Variants in NUP153 observed in about 807,000 individuals in gnomAD.
The protein encoded by NUP153 is nuclear pore complex protein Nup153.
Under a neutral mutation model 134.6 loss-of-function variants are expected in NUP153, and 27 were observed. That is an observed-to-expected ratio of 0.20 (90% CI 0.15 to 0.28). NUP153 has a LOEUF of 0.28. Ranked by LOEUF, NUP153 falls within the 10% of genes least tolerant of loss-of-function variation. The pLI is 1.00. For synonymous variants in NUP153, 640 were observed against 623.5 expected, an observed-to-expected ratio of 1.03 and a Z score of -0.40; for missense variants, 1,821 against 1,731.3, an observed-to-expected ratio of 1.05 and a Z score of -0.92.
chr6:17,637,054 A>G, intron 16 of NUP153, 99 bp downstream of exon 16: 1 of 1,184,060 alleles, frequency 8.4e-7, no homozygotes, highest in Non-Finnish European at 1.2e-6. Flanking sequence ...TGTATGAGAA[A>G]TGCTCATCCT....
chr6:17,649,981 G>A (rs912535691), intron 11 of NUP153, among the ~76,000 whole-genome samples: 4 of 152,120 alleles, frequency 2.6e-5, no homozygotes, highest in African/African-American at 9.7e-5. Flanking sequence ...CAGTACTGAG[G>A]AGTCTGGAGA....
In NUP153 at chr6:17,646,293, C is replaced by A. The variant is rs4370366; in HGVS notation, c.1633-139G>T. 3,623 of 447,864 alleles carry A rather than the reference C, an allele frequency of 8.1e-3. 125 individuals carry two copies. Among genetic ancestry groups the A allele is most frequent in the African/African-American group, 0.067 (3,257 of 48,460 alleles). 27.7% of individuals were successfully genotyped at this position (447,864 alleles called of 1,614,324 possible). ...CGCAATCCTGGCTCACTGCAACCTC[C>A]GCCTCCCGGGTTCACGCCATTCTCC... On this transcript the variant is annotated intron_variant, in intron 13 of 21. Transcript: ENST00000262077.
intron 1 of NUP153, among the ~76,000 whole-genome samples, chr6:17,689,778 G>A (rs967021583): frequency 1.3e-5 from 2 of 151,928 alleles, no homozygotes; most frequent in Admixed American, 6.6e-5. Context: ...GCCCACCTCT[G>A]CCTCCCAAAG....
In NUP153 at chr6:17,638,467, T is replaced by C. The variant is rs928486141; in HGVS notation, c.1847-697A>G. 2.6e-5 allele frequency among the ~76,000 whole-genome samples: 4 copies of C among 152,218 alleles called. No individual in the cohort carries two copies. The highest frequency in any genetic ancestry group is 9.6e-5 in the African/African-American group (4 of 41,454). Reference sequence around the variant, plus strand: ...AGATGTAGAAGGTTATTAGAGGTTTTCTAGTTCCACAAAATAATCCAGCCT... The same window carrying C: ...AGATGTAGAAGGTTATTAGAGGTTTCCTAGTTCCACAAAATAATCCAGCCT... On this transcript the variant is annotated intron_variant, in intron 15 of 21. Coordinates refer to ENST00000262077, the MANE Select transcript of NUP153 (RefSeq NM_005124.4). The surrounding 1 kb of genome is among the most constrained non-coding windows in gnomAD (Gnocchi z 4.0).
At chr6:17,688,941 G>C (rs1308622843) in intron 1 of NUP153, among the ~76,000 whole-genome samples, 2 of 151,996 alleles carry the variant, frequency 1.3e-5, no homozygotes, top group Non-Finnish European at 2.9e-5. Flanking sequence ...TTTAATCTCA[G>C]AGAAAAGGCA....
rs1402817820 is a variant in NUP153, at chr6:17,615,451, AAAT to A, written c.*643_*645del. The A allele has an allele frequency of 6.6e-6, 1 of 152,650 alleles. No individual in the cohort carries two copies. The highest frequency in any genetic ancestry group is 1.5e-5 in the Non-Finnish European group (1 of 68,026). The allele number at this position is 152,650 out of a possible 1,614,324, so 9.5% of individuals were successfully genotyped here. Reference sequence around the variant, plus strand: ...TTGTATTTACACAAGTTTCATAATAAAATAATGAAAAAGGCAAGACAGGTGATA... The same window carrying A: ...TTGTATTTACACAAGTTTCATAATAAAATGAAAAAGGCAAGACAGGTGATA... On this transcript the variant is annotated 3_prime_UTR_variant, in exon 22 of 22. Transcript: ENST00000262077. The surrounding 1 kb of genome is among the most constrained non-coding windows in gnomAD (Gnocchi z 5.7).
At chr6:17,656,195 ACT>A (rs1766813730) in intron 11 of NUP153, among the ~76,000 whole-genome samples, 1 of 152,206 alleles carries the variant, frequency 6.6e-6, no homozygotes, top group Non-Finnish European at 1.5e-5. Flanking sequence ...ACAGAGCAAG[ACT>A]CTGACAAATA....
chr6:17,692,800 A>C (rs969590415), intron 1 of NUP153, among the ~76,000 whole-genome samples: 5 of 152,136 alleles, frequency 3.3e-5, no homozygotes, highest in Non-Finnish European at 5.9e-5. Context: ...CTGTTTTATC[A>C]AGCCCTCTGA....
Position 17,616,650 on chromosome 6 carries a change from G to C in NUP153, c.4220C>G (p.Thr1407Arg), listed in dbSNP as rs1764346852. 6.2e-7 allele frequency: 1 copy of C among 1,613,890 alleles called. No homozygotes were observed. The highest frequency in any genetic ancestry group is 8.5e-7 in the Non-Finnish European group (1 of 1,179,812). ...GAACACTCCTGATGGACTGTTGTTTGTGAAGTTGAAATTTGTAGTGCTGCT... is the reference window on the plus strand; with the variant it reads ...GAACACTCCTGATGGACTGTTGTTTCTGAAGTTGAAATTTGTAGTGCTGCT... ...FGSSTTNFNF[T>R]NNSPSGVFTF... Residue 1407 changes from threonine to arginine, a missense_variant, in exon 21 of 22, where the codon ACA (threonine) becomes AGA (arginine). Transcript: ENST00000262077.
intron 20 of NUP153, among the ~76,000 whole-genome samples, chr6:17,622,849 G>C (rs1213675591): frequency 6.6e-6 from 1 of 152,046 alleles, no homozygotes; most frequent in Non-Finnish European, 1.5e-5. Context: ...AGCAGATAAA[G>C]GCTGGGCGTG....
chr6:17,648,842 G>A (rs931422971), intron 12 of NUP153, among the ~76,000 whole-genome samples: 3 of 151,442 alleles, frequency 2.0e-5, no homozygotes, highest in Admixed American at 6.6e-5. Flanking sequence ...AAGATGTTAC[G>A]CCTAGCTGAG....
At chr6:17,633,835 C>T (rs1384049937) in intron 16 of NUP153, among the ~76,000 whole-genome samples, 2 of 152,260 alleles carry the variant, frequency 1.3e-5, no homozygotes, top group South Asian at 4.1e-4. Context: ...ATGTTCTCTT[C>T]CATCTTGCCA....
At chr6:17,640,780 C>T (rs979264385) in intron 14 of NUP153, among the ~76,000 whole-genome samples, 1 of 150,362 alleles carries the variant, frequency 6.7e-6, no homozygotes, top group African/African-American at 2.5e-5. Flanking sequence ...CCACATCTAG[C>T]TCATTTTTTT....
intron 16 of NUP153, among the ~76,000 whole-genome samples, chr6:17,636,318 C>T (rs1205147510): frequency 7.4e-6 from 1 of 135,282 alleles, no homozygotes; most frequent in Non-Finnish European, 1.5e-5. Context: ...CTGGGTGACA[C>T]AGTGAGACTC....
intron 11 of NUP153, among the ~76,000 whole-genome samples, chr6:17,660,995 C>T (rs1767142621): frequency 6.6e-6 from 1 of 151,884 alleles, no homozygotes; most frequent in Admixed American, 6.6e-5. Context: ...CACAATACAA[C>T]ATCAAAAAAG....
At chr6:17,648,818 C>G (rs1330849247) in intron 12 of NUP153, among the ~76,000 whole-genome samples, 2 of 151,180 alleles carry the variant, frequency 1.3e-5, no homozygotes, top group Non-Finnish European at 2.9e-5. Context: ...AAAAAAAATT[C>G]AGGAGCACAT....
At chr6:17,697,013 G>C (rs1353752717) in intron 1 of NUP153, among the ~76,000 whole-genome samples, 1 of 151,652 alleles carries the variant, frequency 6.6e-6, no homozygotes, top group African/African-American at 2.4e-5. Context: ...GGAGGTTGCA[G>C]TGAGCCCAGA....
In NUP153 at chr6:17,675,816, T is replaced by C. The variant is rs372886342; in HGVS notation, c.335-46A>G. On this transcript the variant is annotated intron_variant, in intron 2 of 21. Transcript: ENST00000262077. This position sits in a 1 kb window ranked among gnomAD's most constrained non-coding sequence, Gnocchi z 4.4. ...ATTATGAATATACAACTTAGAGCGA[T>C]ACACTACCACAAATGGTTTTTACTT... 14 of 1,567,500 alleles carry C rather than the reference T, an allele frequency of 8.9e-6. No individual in the cohort carries two copies. Among genetic ancestry groups the C allele is most frequent in the East Asian group, 2.2e-5 (1 of 44,670 alleles).
chr6:17,678,895 A>AAGAG (rs1201101158), intron 2 of NUP153, among the ~76,000 whole-genome samples: 29 of 151,788 alleles, frequency 1.9e-4, no homozygotes, highest in Non-Finnish European at 4.1e-4. Context: ...GCAATGAGCT[A>AAGAG]TGATGGCACC....
Sources: gnomAD v4.1 joint callset for allele counts (sites outside exome capture counted in the v4.1 genomes callset) on GRCh38, gnomAD v4.1.1 for gene constraint, Gnocchi (gnomAD v3.1) non-coding constraint, MANE v1.5 for transcripts, NCBI Gene and HGNC (gene_info 2026-07-23, HGNC 2026-07-21) for gene names.